KCNIP4: variants seen among roughly 807,000 people sequenced by gnomAD.
The protein encoded by KCNIP4 is potassium voltage-gated channel interacting protein 4, also known as Kv channel-interacting protein 4.
KCNIP4 carries 12 observed loss-of-function variants against 34.0 expected under a neutral mutation model. The observed-to-expected ratio is 0.35, with a 90% confidence interval of 0.23 to 0.57. The LOEUF (loss-of-function observed/expected upper bound fraction) is 0.57. Ranked by LOEUF, KCNIP4 falls within the 20% of genes least tolerant of loss-of-function variation. KCNIP4 has a pLI of 0.83. For synonymous variants in KCNIP4, 124 were observed against 102.2 expected, an observed-to-expected ratio of 1.21 and a Z score of -1.29; for missense variants, 238 against 311.7, an observed-to-expected ratio of 0.76 and a Z score of 1.78.
chr4:21,367,773 AT>A (rs944454603), intron 1 of KCNIP4, among the ~76,000 whole-genome samples: 2 of 147,232 alleles, frequency 1.4e-5, no homozygotes, highest in East Asian at 2.0e-4. Flanking sequence ...CCTGTCAGGG[AT>A]TTTTTTTAAG....
intron 1 of KCNIP4, chr4:21,844,324 C>T (rs772822210): frequency 2.1e-4 from 32 of 151,880 alleles, no homozygotes; most frequent in Non-Finnish European, 4.0e-4. Flanking sequence ...ATTTTGTATA[C>T]GTTATATGCT....
chr4:21,618,109 T>C (rs1316801821), intron 1 of KCNIP4, among the ~76,000 whole-genome samples: 1 of 152,168 alleles, frequency 6.6e-6, no homozygotes, highest in African/African-American at 2.4e-5. Context: ...AAAAACAGAC[T>C]TTAATAGGAA....
rs773959594 is a variant in KCNIP4, at chr4:21,948,663, C to T, written c.-32G>A. 152 of 1,604,586 alleles carry T rather than the reference C, an allele frequency of 9.5e-5. No homozygotes were observed. Among genetic ancestry groups the T allele is most frequent in the Non-Finnish European group, 1.3e-4 (147 of 1,175,222 alleles). ...GGACGCAGGGTGCAGAAGCGAGACTCGAGAGTCCACCGGCCAGGGGCGTCT... is the reference window on the plus strand; with the variant it reads ...GGACGCAGGGTGCAGAAGCGAGACTTGAGAGTCCACCGGCCAGGGGCGTCT... On this transcript the variant is annotated 5_prime_UTR_variant, in exon 1 of 9. Coordinates refer to ENST00000382152, the MANE Select transcript of KCNIP4 (RefSeq NM_025221.6).
At chr4:21,793,422 T>A (rs1271110943) in intron 1 of KCNIP4, among the ~76,000 whole-genome samples, 3 of 125,730 alleles carry the variant, frequency 2.4e-5, no homozygotes, top group African/African-American at 1.2e-4. Context: ...CATGCCCGGC[T>A]AATTTTTGTA....
At chr4:20,808,727 T>G (rs1715379087) in intron 3 of KCNIP4, among the ~76,000 whole-genome samples, 2 of 152,116 alleles carry the variant, frequency 1.3e-5, no homozygotes, top group Non-Finnish European at 2.9e-5. Context: ...TTGAGGAATT[T>G]CCCATTATTG....
rs1491541435 is a variant in KCNIP4, at chr4:21,151,405, A to ATTTTTTTTTTTTTTTTTTTTTTTTT, written c.62-268697_62-268696insAAAAAAAAAAAAAAAAAAAAAAAAA. 8.6e-5 allele frequency among the ~76,000 whole-genome samples: 8 copies of ATTTTTTTTTTTTTTTTTTTTTTTTT among 93,512 alleles called. 3 individuals are homozygous for ATTTTTTTTTTTTTTTTTTTTTTTTT. Among genetic ancestry groups the ATTTTTTTTTTTTTTTTTTTTTTTTT allele is most frequent in the African/African-American group, 1.6e-4 (4 of 24,702 alleles). The allele number at this position is 93,512 out of a possible 152,430, so 61.3% of individuals were successfully genotyped here. On this transcript the variant is annotated intron_variant, in intron 1 of 8. Coordinates refer to ENST00000382152, the MANE Select transcript of KCNIP4 (RefSeq NM_025221.6). ...AGAATGGATGTCTTCAACAAAAGACAATTTTTTTTTTTTTTTTTTTTTTTT... is the reference window on the plus strand; with the variant it reads ...AGAATGGATGTCTTCAACAAAAGACATTTTTTTTTTTTTTTTTTTTTTTTTATTTTTTTTTTTTTTTTTTTTTTTT...
intron 1 of KCNIP4, chr4:20,983,923 C>T: frequency 6.5e-7 from 1 of 1,536,070 alleles, no homozygotes; most frequent in Non-Finnish European, 8.7e-7. Flanking sequence ...CCAGAGTCAA[C>T]ATCCTCTGAG....
chr4:21,231,592 A>G (rs927167129), intron 1 of KCNIP4, among the ~76,000 whole-genome samples: 1 of 152,164 alleles, frequency 6.6e-6, no homozygotes, highest in Non-Finnish European at 1.5e-5. Context: ...TTGTAAAAAA[A>G]GAAATTGAAA....
At chr4:21,777,718 C>T (rs1290020346) in intron 1 of KCNIP4, among the ~76,000 whole-genome samples, 2 of 152,174 alleles carry the variant, frequency 1.3e-5, no homozygotes, top group Non-Finnish European at 2.9e-5. Context: ...TAAATATATA[C>T]TCAGCAACTC....
At chr4:21,772,403 T>C (rs1320685302) in intron 1 of KCNIP4, among the ~76,000 whole-genome samples, 1 of 152,138 alleles carries the variant, frequency 6.6e-6, no homozygotes. Flanking sequence ...GTTTTGTCTC[T>C]TCCCAGTTTT....
At chr4:21,309,696 G>A (rs1034594685) in intron 1 of KCNIP4, among the ~76,000 whole-genome samples, 1 of 152,138 alleles carries the variant, frequency 6.6e-6, no homozygotes, top group Non-Finnish European at 1.5e-5. Context: ...AGGAATGGAG[G>A]CCTCATTGGG....
chr4:21,367,242 G>C (rs1719875273), intron 1 of KCNIP4, among the ~76,000 whole-genome samples: 1 of 152,080 alleles, frequency 6.6e-6, no homozygotes, highest in South Asian at 2.1e-4. Context: ...AGCATGAATA[G>C]ACTAAGACAA....
At chr4:20,968,244 T>C (rs1734574073) in intron 1 of KCNIP4, among the ~76,000 whole-genome samples, 1 of 152,144 alleles carries the variant, frequency 6.6e-6, no homozygotes, top group Non-Finnish European at 1.5e-5. Flanking sequence ...CTCACACCAG[T>C]TAGAATGGTG....
intron 1 of KCNIP4, among the ~76,000 whole-genome samples, chr4:21,749,337 G>A (rs955065314): frequency 6.6e-5 from 10 of 152,100 alleles, no homozygotes; most frequent in Non-Finnish European, 1.3e-4. Flanking sequence ...CTCCCTAGGA[G>A]CATTTTGTCA....
At chr4:21,601,677 A>C (rs1743175533) in intron 1 of KCNIP4, among the ~76,000 whole-genome samples, 1 of 151,544 alleles carries the variant, frequency 6.6e-6, no homozygotes. Context: ...ATTCCTGCCT[A>C]CCCTCTGCCC....
At chr4:21,041,633 T>C (rs1341962989) in intron 1 of KCNIP4, among the ~76,000 whole-genome samples, 1 of 152,314 alleles carries the variant, frequency 6.6e-6, no homozygotes, top group Non-Finnish European at 1.5e-5. Context: ...CACAATTTAA[T>C]TGCAATCAGA....
chr4:21,890,830 T>A (rs932092983), intron 1 of KCNIP4, among the ~76,000 whole-genome samples: 1 of 152,076 alleles, frequency 6.6e-6, no homozygotes, highest in East Asian at 1.9e-4. Flanking sequence ...GATGGTACAA[T>A]GTCCAAGAAG....
chr4:20,889,767 C>CAAAAAAAAAAAAA (rs201346832), intron 1 of KCNIP4, among the ~76,000 whole-genome samples: 1 of 114,010 alleles, frequency 8.8e-6, no homozygotes. Context: ...ACTGGAAGTT[C>CAAAAAAAAAAAAA]AAAAAAAAAA....
At chr4:21,606,116 T>C (rs567043553) in intron 1 of KCNIP4, among the ~76,000 whole-genome samples, 2 of 152,264 alleles carry the variant, frequency 1.3e-5, no homozygotes, top group South Asian at 2.1e-4. Context: ...GAAAGAATTA[T>C]ATTATTTGGA....
Sources: gnomAD v4.1 joint callset for allele counts (sites outside exome capture counted in the v4.1 genomes callset) on GRCh38, gnomAD v4.1.1 for gene constraint, MANE v1.5 for transcripts, NCBI Gene and HGNC (gene_info 2026-07-23, HGNC 2026-07-21) for gene names.